Variants in PDSS1 observed in about 807,000 individuals in gnomAD.
PDSS1 encodes decaprenyl diphosphate synthase subunit 1.
In PDSS1, 43 loss-of-function variants were observed where a neutral mutation model predicts 57.5. The observed-to-expected ratio is 0.75, with a 90% CI of 0.59 to 0.96. The LOEUF (loss-of-function observed/expected upper bound fraction) is 0.96. Ranked by LOEUF, PDSS1 falls within the 50% of genes least tolerant of loss-of-function variation. PDSS1 has a pLI of 0.00. For synonymous variants in PDSS1, 175 were observed against 191.3 expected (o/e 0.91, Z 0.70); for missense variants, 438 against 527.8 (o/e 0.83, Z 1.67).
intron 2 of PDSS1, among the ~76,000 whole-genome samples, chr10:26,702,739 A>G (rs538320043): frequency 1.3e-5 from 2 of 152,274 alleles, no homozygotes; most frequent in East Asian, 3.9e-4. Context: ...AGTCCCAGCT[A>G]CTCAGTAGGC....
chr10:26,745,617 C>T (rs1030043345), intron 11 of PDSS1, among the ~76,000 whole-genome samples: 5 of 152,062 alleles, frequency 3.3e-5, no homozygotes, highest in African/African-American at 1.2e-4. Flanking sequence ...GAGGCCAAGG[C>T]AGGCAGATCA....
At chr10:26,708,908 G>A (rs377603346) in intron 4 of PDSS1, among the ~76,000 whole-genome samples, 8 of 152,104 alleles carry the variant, frequency 5.3e-5, no homozygotes, top group Non-Finnish European at 1.0e-4. Context: ...ACAGGCTCCC[G>A]ACGGCCACTG....
chr10:26,742,937 C>T (rs1440758885), intron 11 of PDSS1, among the ~76,000 whole-genome samples: 1 of 152,208 alleles, frequency 6.6e-6, no homozygotes, highest in Non-Finnish European at 1.5e-5. Context: ...CACCCAGCCT[C>T]GGCTCCAGCC....
At chr10:26,719,197 T>C (rs968364750) in intron 5 of PDSS1, among the ~76,000 whole-genome samples, 19 of 152,214 alleles carry the variant, frequency 1.2e-4, no homozygotes, top group Non-Finnish European at 2.2e-4. Flanking sequence ...AGGTTCCAAA[T>C]GGTTATTTCG....
At chr10:26,727,240 G>A (rs1449583909) in intron 8 of PDSS1, among the ~76,000 whole-genome samples, 2 of 152,110 alleles carry the variant, frequency 1.3e-5, no homozygotes, top group African/African-American at 2.4e-5. Flanking sequence ...AGAGGTCAGA[G>A]GGCCTGTCCA....
intron 11 of PDSS1, among the ~76,000 whole-genome samples, chr10:26,745,450 C>A (rs1330919844): frequency 6.6e-6 from 1 of 152,082 alleles, no homozygotes; most frequent in African/African-American, 2.4e-5. Context: ...ATCAACAAAA[C>A]AACTAAAGAC....
At chr10:26,741,226 T>C (rs1836591856) in intron 10 of PDSS1, among the ~76,000 whole-genome samples, 1 of 152,168 alleles carries the variant, frequency 6.6e-6, no homozygotes, top group South Asian at 2.1e-4. Flanking sequence ...GGCTCACACC[T>C]GTAATCCCAG....
intron 5 of PDSS1, 91 bp from the exon 6 acceptor site, chr10:26,720,127 T>C: frequency 1.3e-6 from 2 of 1,577,454 alleles, no homozygotes; most frequent in Non-Finnish European, 1.7e-6. Flanking sequence ...TAACATTCTT[T>C]ATCCTAGATC....
chr10:26,728,028 C>T (rs888675021), intron 8 of PDSS1, among the ~76,000 whole-genome samples: 7 of 152,108 alleles, frequency 4.6e-5, no homozygotes, highest in African/African-American at 7.2e-5. Context: ...TTGTCTGTCC[C>T]ATTACTGGTG....
intron 1 of PDSS1, among the ~76,000 whole-genome samples, chr10:26,698,097 G>T (rs1490700824): frequency 2.0e-5 from 3 of 152,072 alleles, no homozygotes; most frequent in Non-Finnish European, 4.4e-5. Flanking sequence ...GAGCGTTTTG[G>T]GGGGTGGAGA....
In PDSS1 at chr10:26,735,478, G is replaced by A. The variant is rs1419289593; in HGVS notation, c.925G>A (p.Val309Ile). The change falls in exon 10 of 12, where the codon GTA (valine) becomes ATA (isoleucine). Residue 309 changes from valine (V) to isoleucine (I), a missense_variant. Val to Ile is a conservative substitution (Grantham distance 29). Transcript: ENST00000376215. ...TTCCTTTTGCCAGCTAATAGATGAT[G>A]TATTGGACTTCACCTCGTGTTCTGA... ...VGIAFQLIDD[V>I]LDFTSCSDQM... 1 of 1,609,836 alleles carries A rather than the reference G, an allele frequency of 6.2e-7. No homozygotes were observed.
chr10:26,741,641 T>C (rs181948036), intron 10 of PDSS1, among the ~76,000 whole-genome samples: 413 of 152,330 alleles, frequency 2.7e-3, no homozygotes, highest in African/African-American at 9.2e-3. Context: ...TCAGTAGCTT[T>C]CAGTTGGTAA....
intron 11 of PDSS1, among the ~76,000 whole-genome samples, chr10:26,743,324 A>T (rs1477292243): frequency 1.3e-5 from 2 of 152,188 alleles, no homozygotes; most frequent in Non-Finnish European, 2.9e-5. Context: ...AGTCGGAGTG[A>T]GCAAAAAATC....
chr10:26,709,842 C>A (rs977181861), intron 5 of PDSS1, 74 bp downstream of exon 5: 40 of 1,483,684 alleles, frequency 2.7e-5, no homozygotes, highest in Non-Finnish European at 3.7e-5. Context: ...CTTACTGTTT[C>A]ATTTCCCATT....
chr10:26,719,602 T>C (rs575118652), intron 5 of PDSS1, among the ~76,000 whole-genome samples: 6 of 152,286 alleles, frequency 3.9e-5, no homozygotes, highest in Admixed American at 2.6e-4. Context: ...ACCCCATCTC[T>C]ACTAAAAATA....
intron 8 of PDSS1, among the ~76,000 whole-genome samples, chr10:26,725,994 C>T (rs1346964296): frequency 6.6e-6 from 1 of 152,212 alleles, no homozygotes; most frequent in Non-Finnish European, 1.5e-5. Context: ...CCAAGACTTA[C>T]TGTCTGCACC....
chr10:26,742,623 G>A (rs1481384095), intron 11 of PDSS1, 46 bp downstream of exon 11: 1 of 1,162,572 alleles, frequency 8.6e-7, no homozygotes, highest in Non-Finnish European at 1.3e-6. Context: ...GAACAACGTG[G>A]CAAAATCCTT....
Position 26,730,632 on chromosome 10 carries a change from AT to A in PDSS1, c.832-4607del, listed in dbSNP as rs1294251936. ...TAAAAAAATAATAATAATAAAAAAA[AT>A]AAAAGACATTAATGTAGCTCCAAAA... On this transcript the variant is annotated intron_variant, in intron 8 of 11. Transcript: ENST00000376215. Among the ~76,000 whole-genome samples the A allele has an allele frequency of 6.6e-5, 10 of 150,812 alleles. No individual in the cohort carries two copies. In the South Asian group the frequency reaches 8.3e-4, roughly 13 times the overall value.
At chr10:26,713,453 A>G (rs1316103088) in intron 5 of PDSS1, among the ~76,000 whole-genome samples, 1 of 152,206 alleles carries the variant, frequency 6.6e-6, no homozygotes, top group Non-Finnish European at 1.5e-5. Context: ...TCAGTTGTCC[A>G]TTAAATGTTC....
Sources: gnomAD v4.1 joint callset for allele counts (sites outside exome capture counted in the v4.1 genomes callset) on GRCh38, gnomAD v4.1.1 for gene constraint, MANE v1.5 for transcripts, NCBI Gene and HGNC (gene_info 2026-07-23, HGNC 2026-07-21) for gene names.